Variants in CTNNA3 observed in about 807,000 individuals in gnomAD.
CTNNA3 encodes catenin alpha-3.
In CTNNA3, 76 loss-of-function variants were observed where a neutral mutation model predicts 95.7. That is an observed-to-expected ratio of 0.79 (90% CI 0.66 to 0.96). The LOEUF (loss-of-function observed/expected upper bound fraction) is 0.96, where lower values mean the gene tolerates loss of function less well. Ranked by LOEUF, CTNNA3 falls within the 40% of genes least tolerant of loss-of-function variation. The probability of loss-of-function intolerance (pLI) is 0.00; values close to 1 mark genes in which losing one functional copy is unlikely to be tolerated. For synonymous variants in CTNNA3, 431 were observed against 374.4 expected, an observed-to-expected ratio of 1.15 and a Z score of -1.74; for missense variants, 1,191 against 1,089.8, an observed-to-expected ratio of 1.09 and a Z score of -1.31.
chr10:66,988,014 C>A (rs1850828685), intron 7 of CTNNA3, among the ~76,000 whole-genome samples: 1 of 152,098 alleles, frequency 6.6e-6, no homozygotes, highest in African/African-American at 2.4e-5. Context: ...GCTTTAGTAT[C>A]AAAACTTTAT....
At position 65,915,696 on chromosome 10, in the gene CTNNA3, T is replaced by C. The variant is rs1010479986; in HGVS notation, c.*4634A>G. ...GGATTCTGGTCAGGTTGAGTTCCAT[T>C]TGGAGACAGCTCTCTCAATTAACAT... On this transcript the variant is annotated 3_prime_UTR_variant, in exon 18 of 18. Coordinates refer to ENST00000433211, the MANE Select transcript of CTNNA3 (RefSeq NM_013266.4). The C allele has an allele frequency of 3.3e-5, 5 of 152,280 alleles. No homozygotes were observed. Among genetic ancestry groups the C allele is most frequent in the East Asian group, 1.9e-4 (1 of 5,176 alleles). 9.4% of individuals were successfully genotyped at this position (152,280 alleles called of 1,614,324 possible).
intron 5 of CTNNA3, among the ~76,000 whole-genome samples, chr10:67,464,837 TATC>T (rs1847522365): frequency 6.6e-6 from 1 of 151,272 alleles, no homozygotes; most frequent in African/African-American, 2.4e-5. Context: ...GACCGTTTCT[TATC>T]ATCCTCTTCA....
intron 5 of CTNNA3, among the ~76,000 whole-genome samples, chr10:67,411,362 C>A (rs1402696798): frequency 6.6e-6 from 1 of 152,076 alleles, no homozygotes; most frequent in East Asian, 1.9e-4. Context: ...CGAATTTACT[C>A]AAAGGTTAAT....
chr10:66,926,863 G>A, intron 7 of CTNNA3: 1 of 1,450,084 alleles, frequency 6.9e-7, no homozygotes, highest in Non-Finnish European at 9.2e-7. Context: ...ATTTTTGCTT[G>A]ATTAAGGATT....
chr10:66,118,754 T>G (rs2082444865), intron 13 of CTNNA3, among the ~76,000 whole-genome samples: 1 of 152,120 alleles, frequency 6.6e-6, no homozygotes, highest in African/African-American at 2.4e-5. Context: ...CTGATCTACT[T>G]TGGAAAAGGA....
intron 3 of CTNNA3, among the ~76,000 whole-genome samples, chr10:67,581,751 T>C (rs953078940): frequency 6.6e-6 from 1 of 152,212 alleles, no homozygotes; most frequent in Admixed American, 6.5e-5. Context: ...GTTATTGGTC[T>C]ATTCAGGGAT....
chr10:66,564,695 C>A (rs182400549), intron 10 of CTNNA3, among the ~76,000 whole-genome samples: 2 of 152,222 alleles, frequency 1.3e-5, no homozygotes, highest in East Asian at 1.9e-4. Flanking sequence ...GACAAAGTTA[C>A]CAAAAGTGCC....
intron 7 of CTNNA3, among the ~76,000 whole-genome samples, chr10:66,910,025 A>C (rs985396476): frequency 1.3e-5 from 2 of 152,212 alleles, no homozygotes; most frequent in Non-Finnish European, 2.9e-5. Context: ...GCATATATAA[A>C]TGGTTTATAA....
intron 11 of CTNNA3, among the ~76,000 whole-genome samples, chr10:66,480,759 C>T (rs1012295337): frequency 2.0e-5 from 3 of 152,048 alleles, no homozygotes; most frequent in Non-Finnish European, 4.4e-5. Flanking sequence ...TGCGTGCCAC[C>T]ATGCCCGGTT....
In CTNNA3 at chr10:67,673,804, C is replaced by T. The variant is rs1193915506; in HGVS notation, c.-6+22196G>A. Among the ~76,000 whole-genome samples, 12 of 130,868 alleles carry T rather than the reference C, an allele frequency of 9.2e-5. No individual in the cohort carries two copies. The East Asian group carries it at 2.6e-3, about 29-fold the overall frequency. The allele number at this position is 130,868 out of a possible 152,430, so 85.9% of individuals were successfully genotyped here. A position where few individuals can be genotyped will look rare whatever the true frequency, so the allele number is the denominator to read the frequency against. On this transcript the variant is annotated intron_variant, in intron 1 of 17. Transcript: ENST00000433211. ...AGGTAAGAAGTTAATAACGGACGTC[C>T]GTTATTAACTTCTTACCTCTAGACT...
intron 1 of CTNNA3, among the ~76,000 whole-genome samples, chr10:67,722,302 T>TAG (rs898213109): frequency 6.6e-6 from 1 of 152,146 alleles, no homozygotes; most frequent in Non-Finnish European, 1.5e-5. Flanking sequence ...TCAAAGGGGT[T>TAG]AGGAGAGGAT....
rs192319794 is a variant in CTNNA3 at position 66,562,953 on chromosome 10, G to A, written c.1375-42180C>T. Among the ~76,000 whole-genome samples the A allele has an allele frequency of 1.1e-4, 17 of 151,884 alleles. No homozygotes were observed. In the South Asian group the frequency reaches 1.9e-3, roughly 17 times the overall value. ...TTCAGGAACATTAAAATAATTTTTC[G>A]TGAAAATATGTAATATAAGCCTGAC... On this transcript the variant is annotated intron_variant, in intron 10 of 17. Coordinates refer to ENST00000433211, the MANE Select transcript of CTNNA3 (RefSeq NM_013266.4).
intron 10 of CTNNA3, among the ~76,000 whole-genome samples, chr10:66,528,525 G>A (rs1841349204): frequency 6.6e-6 from 1 of 152,088 alleles, no homozygotes; most frequent in South Asian, 2.1e-4. Flanking sequence ...AGACCCATAA[G>A]AGACTCTAGA....
chr10:66,115,568 AGACAGATAGAT>A (rs1564660544), intron 13 of CTNNA3, among the ~76,000 whole-genome samples: 6 of 106,500 alleles, frequency 5.6e-5, no homozygotes, highest in African/African-American at 1.2e-4. Flanking sequence ...ATAGATAGAT[AGACAGATAGAT>A]GATAGATAGA....
chr10:67,311,160 C>A (rs770750628), intron 5 of CTNNA3, among the ~76,000 whole-genome samples: 1 of 152,136 alleles, frequency 6.6e-6, no homozygotes, highest in Admixed American at 6.5e-5. Flanking sequence ...CTGGAAAAAA[C>A]TGAAGCCTTT....
chr10:67,179,859 A>G (rs1421847603), intron 7 of CTNNA3, among the ~76,000 whole-genome samples: 1 of 152,034 alleles, frequency 6.6e-6, no homozygotes. Flanking sequence ...AAAAAACATA[A>G]CAACCTGCAT....
intron 5 of CTNNA3, among the ~76,000 whole-genome samples, chr10:67,364,713 C>T (rs372649123): frequency 6.6e-6 from 1 of 151,958 alleles, no homozygotes; most frequent in South Asian, 2.1e-4. Flanking sequence ...CACTGCCCAA[C>T]AAAATAAAAG....
At chr10:66,389,886 T>C (rs561728564) in intron 11 of CTNNA3, among the ~76,000 whole-genome samples, 1 of 152,152 alleles carries the variant, frequency 6.6e-6, no homozygotes, top group East Asian at 1.9e-4. Context: ...CTGCAGGAAC[T>C]CACCGCCATG....
chr10:67,130,904 T>C (rs1412915760), intron 7 of CTNNA3, among the ~76,000 whole-genome samples: 1 of 152,032 alleles, frequency 6.6e-6, no homozygotes, highest in Non-Finnish European at 1.5e-5. Context: ...ACTTCTGGCA[T>C]TTTGGACAGG....
Sources: gnomAD v4.1 joint callset for allele counts (sites outside exome capture counted in the v4.1 genomes callset) on GRCh38, gnomAD v4.1.1 for gene constraint, MANE v1.5 for transcripts, NCBI Gene and HGNC (gene_info 2026-07-23, HGNC 2026-07-21) for gene names.